ACLY: variants seen among roughly 807,000 people sequenced by gnomAD.
ACLY encodes the protein ATP citrate lyase, also known as ATP-citrate synthase.
ACLY carries 41 observed loss-of-function variants against 133.0 expected under a neutral mutation model. That is an observed-to-expected ratio of 0.31 (90% confidence interval 0.24 to 0.40). The LOEUF (loss-of-function observed/expected upper bound fraction) is 0.40. Ranked by LOEUF, ACLY falls within the 10% of genes least tolerant of loss-of-function variation. The probability of loss-of-function intolerance (pLI) is 1.00; values close to 1 mark genes in which losing one functional copy is unlikely to be tolerated. For synonymous variants in ACLY, 495 were observed against 549.3 expected (o/e 0.90, Z 1.38); for missense variants, 1,046 against 1,453.8 (o/e 0.72, Z 4.56).
intron 10 of ACLY, among the ~76,000 whole-genome samples, chr17:41,902,224 T>C (rs1167312368): frequency 6.6e-6 from 1 of 152,244 alleles, no homozygotes; most frequent in Non-Finnish European, 1.5e-5. Context: ...GGAATAGTTC[T>C]TTCTTTTGAG....
At chr17:41,901,626 A>C (rs905563289) in intron 11 of ACLY, 70 bp downstream of exon 11, 1 of 1,300,940 alleles carries the variant, frequency 7.7e-7, no homozygotes, top group Non-Finnish European at 1.1e-6. Context: ...GATGCTCAGG[A>C]ATCAGAAATC....
chr17:41,925,002 C>A (rs1191065200), intron 1 of ACLY, among the ~76,000 whole-genome samples: 1 of 151,286 alleles, frequency 6.6e-6, no homozygotes, highest in African/African-American at 2.4e-5. Flanking sequence ...TTACATATGA[C>A]ACGTTTAAAC....
chr17:41,887,509 G>C, intron 17 of ACLY, 90 bp downstream of exon 17: 1 of 1,022,452 alleles, frequency 9.8e-7, no homozygotes, highest in Non-Finnish European at 1.5e-6. Flanking sequence ...CTAGGAGGGA[G>C]ATAGAGGAGT....
At chr17:41,894,016 C>A (rs1482974722) in intron 14 of ACLY, among the ~76,000 whole-genome samples, 7 of 152,002 alleles carry the variant, frequency 4.6e-5, no homozygotes, top group Non-Finnish European at 7.4e-5. Flanking sequence ...GAGTTCAAGA[C>A]CAGCCTGGCC....
chr17:41,884,767 G>A (rs2049007242), intron 18 of ACLY, among the ~76,000 whole-genome samples: 1 of 152,150 alleles, frequency 6.6e-6, no homozygotes, highest in African/African-American at 2.4e-5. Context: ...CGCCTGTACA[G>A]TCCTAGCTAC....
chr17:41,879,744 G>A (rs1460970937), intron 20 of ACLY, among the ~76,000 whole-genome samples: 6 of 144,750 alleles, frequency 4.1e-5, no homozygotes, highest in African/African-American at 1.3e-4. Context: ...TCGAGACAGG[G>A]TCTCGCTCCA....
chr17:41,875,305 G>A (rs1555625867), intron 22 of ACLY, among the ~76,000 whole-genome samples: 4 of 144,088 alleles, frequency 2.8e-5, no homozygotes, highest in African/African-American at 1.0e-4. Context: ...AGCAGAGATC[G>A]CACCATTGCA....
At chr17:41,868,678 A>G (rs1413861057) in intron 28 of ACLY, 31 bp downstream of exon 28, 1 of 1,601,730 alleles carries the variant, frequency 6.2e-7, no homozygotes, top group Non-Finnish European at 8.5e-7. Context: ...GTTTAAAAAA[A>G]AACACTTAAA....
intron 1 of ACLY, among the ~76,000 whole-genome samples, chr17:41,928,227 G>A (rs1220026066): frequency 2.0e-5 from 3 of 152,162 alleles, no homozygotes; most frequent in African/African-American, 7.2e-5. Flanking sequence ...AAGGATCAAG[G>A]TTTTTTATTT....
At chr17:41,895,891 T>A (rs2049351797) in intron 14 of ACLY, among the ~76,000 whole-genome samples, 1 of 152,200 alleles carries the variant, frequency 6.6e-6, no homozygotes, top group Admixed American at 6.5e-5. Context: ...GACGCTCTGA[T>A]GCCATGAACC....
intron 22 of ACLY, 33 bp from the exon 23 acceptor site, chr17:41,873,998 C>A: frequency 6.4e-7 from 1 of 1,557,920 alleles, no homozygotes; most frequent in Non-Finnish European, 8.7e-7. Flanking sequence ...GAAGCAGGGC[C>A]CTGGTGACCA....
In ACLY at chr17:41,886,311, G is replaced by A. The variant is rs1555628141; in HGVS notation, c.1876-3C>T. On this transcript the variant is annotated splice_region_variant and splice_polypyrimidine_tract_variant and intron_variant, in intron 17 of 28. Transcript: ENST00000352035. ...CACCCAGGCTTGATGCCTCCAACCT[G>A]TGGGGGCAGAAACCACAATCAGGGA... 6.3e-7 allele frequency: 1 copy of A among 1,598,758 alleles called. No individual in the cohort carries two copies. Among genetic ancestry groups the A allele is most frequent in the South Asian group, 1.1e-5 (1 of 90,638 alleles).
chr17:41,921,937 T>G (rs2050188324), upstream of ACLY, among the ~76,000 whole-genome samples: 1 of 152,146 alleles, frequency 6.6e-6, no homozygotes, highest in African/African-American at 2.4e-5. Context: ...GGCTCGAGCC[T>G]GTAATCCCAG....
rs570595886 is a variant in ACLY, at chr17:41,867,046, A to C, written c.*764T>G. 1 of 152,788 alleles carries C rather than the reference A, an allele frequency of 6.5e-6. No homozygotes were observed. Among genetic ancestry groups the C allele is most frequent in the East Asian group, 1.9e-4 (1 of 5,192 alleles). 9.5% of individuals were successfully genotyped at this position (152,788 alleles called of 1,614,324 possible). A position where few individuals can be genotyped will look rare whatever the true frequency, so the allele number is the denominator to read the frequency against. The stretch of plus-strand genomic sequence containing the variant: ...AGTAGTTAGGAGTCCTTGGACCCAC[A>C]CTTCAGTTACAGACAGACAAATCAG... On this transcript the variant is annotated 3_prime_UTR_variant, in exon 29 of 29. Coordinates refer to ENST00000352035, the MANE Select transcript of ACLY (RefSeq NM_001096.3).
chr17:41,872,853 G>A (rs1555625369), intron 23 of ACLY, among the ~76,000 whole-genome samples: 1 of 152,204 alleles, frequency 6.6e-6, no homozygotes, highest in Non-Finnish European at 1.5e-5. Context: ...CAGGAACAAA[G>A]TATGGAGAGG....
intron 5 of ACLY, 84 bp downstream of exon 5, chr17:41,909,421 GAGACC>G: frequency 1.4e-6 from 2 of 1,435,228 alleles, no homozygotes; most frequent in South Asian, 2.6e-5. Flanking sequence ...TCCCAGAGAG[GAGACC>G]GCTCTGCTCT....
At chr17:41,868,934 C>G in intron 27 of ACLY, 109 bp downstream of exon 27, 1 of 1,350,252 alleles carries the variant, frequency 7.4e-7, no homozygotes, top group Non-Finnish European at 1.0e-6. Flanking sequence ...CTTTATACCT[C>G]TCCTTATTTT....
At chr17:41,897,989 C>G in intron 12 of ACLY, 150 bp from the exon 13 acceptor site, 1 of 674,594 alleles carries the variant, frequency 1.5e-6, no homozygotes, top group Middle Eastern at 2.7e-4. Flanking sequence ...TAATAATCCT[C>G]TAAGATACGA....
At chr17:41,899,356 T>G (rs1303248628) in intron 11 of ACLY, among the ~76,000 whole-genome samples, 1 of 152,036 alleles carries the variant, frequency 6.6e-6, no homozygotes, top group East Asian at 1.9e-4. Flanking sequence ...ATATTCCTCC[T>G]GTTCGCAGTC....
Sources: gnomAD v4.1 joint callset for allele counts (sites outside exome capture counted in the v4.1 genomes callset) on GRCh38, gnomAD v4.1.1 for gene constraint, MANE v1.5 for transcripts, NCBI Gene and HGNC (gene_info 2026-07-23, HGNC 2026-07-21) for gene names.